P2RX5: variants seen among roughly 807,000 people sequenced by gnomAD.
P2RX5 encodes the protein purinergic receptor P2X 5.
P2RX5 carries 46 observed loss-of-function variants against 54.1 expected under a neutral mutation model. The ratio of observed to expected loss-of-function variants is 0.85; its 90% CI spans 0.67 to 1.09. The LOEUF (loss-of-function observed/expected upper bound fraction) is 1.09. Ranked by LOEUF, P2RX5 falls within the 50% of genes least tolerant of loss-of-function variation. P2RX5 has a pLI of 0.00. For missense variants in P2RX5, 566 were observed against 549.8 expected, an observed-to-expected ratio of 1.03 and a Z score of -0.29; for synonymous variants, 226 against 226.4, an observed-to-expected ratio of 1.00 and a Z score of 0.02.
At chr17:3,723,163 G>GT in the P2RX5 span, 4 of 709,578 alleles carry the variant, frequency 5.6e-6, no homozygotes, top group South Asian at 6.3e-5. Flanking sequence ...CAGAGGGTTG[G>GT]TTTTTTGCAC....
At chr17:3,695,147 T>C (rs1198904431) in intron 1 of P2RX5, among the ~76,000 whole-genome samples, 1 of 152,164 alleles carries the variant, frequency 6.6e-6, no homozygotes, top group Admixed American at 6.5e-5. Context: ...CCAGCGCTGC[T>C]TCTCCCCTCC....
intron 9 of P2RX5, chr17:3,682,505 T>G: frequency 5.1e-6 from 1 of 197,168 alleles, no homozygotes; most frequent in South Asian, 8.6e-5. Context: ...ATCTGGGAAA[T>G]GCCGCAGGGC....
Position 3,681,978 on chromosome 17 carries a change from C to T in P2RX5, c.982G>A (p.Gly328Ser), listed in dbSNP as rs1413955773. The change falls in exon 10 of 12, where the codon GGT (glycine) becomes AGT (serine). Residue 328 changes from glycine to serine, a missense_variant and splice_region_variant. Transcript: ENST00000225328. ...IRFDVMVNGK[G>S]AFFCDLVLIY... ...AGTACCAGGTCGCAGAAGAAAGCACCCTGCAAAACAGGGGTTCCTGATTCA... is the reference window on the plus strand; with the variant it reads ...AGTACCAGGTCGCAGAAGAAAGCACTCTGCAAAACAGGGGTTCCTGATTCA... 1.9e-6 allele frequency: 3 copies of T among 1,608,920 alleles called. No individual in the cohort carries two copies. Among genetic ancestry groups the T allele is most frequent in the East Asian group, 2.2e-5 (1 of 44,866 alleles).
chr17:3,708,218 G>A, the P2RX5 span, among the ~76,000 whole-genome samples: 1 of 152,034 alleles, frequency 6.6e-6, no homozygotes, highest in Non-Finnish European at 1.5e-5. Context: ...CAATGATGAC[G>A]GCTGCTTCCT....
the P2RX5 span, chr17:3,716,779 TTCAGGAAGACGACA>T: frequency 1.2e-6 from 2 of 1,600,498 alleles, no homozygotes; most frequent in Admixed American, 1.7e-5. Flanking sequence ...CTTCTCATCT[TTCAGGAAGACGACA>T]GTGATCTAGA....
Position 3,688,171 on chromosome 17 carries a change from T to C in P2RX5, c.888-66A>G. On this transcript the variant is annotated intron_variant, in intron 8 of 11. Transcript: ENST00000225328. ...GCCTTCCCTCTTTAGGCAGCACTGA[T>C]GTGGCTGCTCTGGGGACTTAGAAGG... 4.7e-6 allele frequency: 4 copies of C among 858,374 alleles called. No homozygotes were observed. The South Asian group carries it at 5.7e-5, about 12-fold the overall frequency. 53.2% of individuals were successfully genotyped at this position (858,374 alleles called of 1,614,324 possible).
chr17:3,691,857 G>A (rs750714340), intron 1 of P2RX5, 63 bp from the exon 2 acceptor site: 1 of 1,565,868 alleles, frequency 6.4e-7, no homozygotes, highest in South Asian at 1.1e-5. Flanking sequence ...AGCTTCCCCA[G>A]GCCTTGGGGT....
the P2RX5 span, among the ~76,000 whole-genome samples, chr17:3,715,776 C>G: frequency 6.6e-6 from 1 of 152,012 alleles, no homozygotes; most frequent in Non-Finnish European, 1.5e-5. Flanking sequence ...ATGGGAGGAT[C>G]ACCTGAGCCT....
At chr17:3,697,156 C>T (rs1411715169), upstream of P2RX5, among the ~76,000 whole-genome samples, 5 of 17,532 alleles carry the variant, frequency 2.9e-4, no homozygotes, top group African/African-American at 1.8e-3. Context: ...GGGGGGCAGA[C>T]GGGGTGGGGG....
the P2RX5 span, chr17:3,723,286 ACCTC>A: frequency 7.5e-6 from 12 of 1,600,970 alleles, no homozygotes; most frequent in Non-Finnish European, 9.4e-6. Flanking sequence ...AGTCTCAAAC[ACCTC>A]CTCAGAGTGA....
At chr17:3,710,693 CG>C in the P2RX5 span, among the ~76,000 whole-genome samples, 1 of 151,866 alleles carries the variant, frequency 6.6e-6, no homozygotes, top group Non-Finnish European at 1.5e-5. Flanking sequence ...TTTGGGAAGC[CG>C]AGGTGAGCGG....
chr17:3,691,107 G>C, intron 2 of P2RX5, 80 bp from the exon 3 acceptor site: 2 of 1,073,264 alleles, frequency 1.9e-6, no homozygotes, highest in Non-Finnish European at 2.8e-6. Context: ...ACCTGAAAGA[G>C]GGCGGTCCCT....
intron 11 of P2RX5, among the ~76,000 whole-genome samples, 168 bp downstream of exon 11, chr17:3,679,422 C>T (rs1043000459): frequency 6.6e-6 from 1 of 152,202 alleles, no homozygotes; most frequent in African/African-American, 2.4e-5. Context: ...GGGTAAAGCA[C>T]CAGCCCCTTC....
chr17:3,689,838 A>ACACGCACACACGCGTGCACG (rs1188996803), intron 6 of P2RX5, among the ~76,000 whole-genome samples: 61 of 152,276 alleles, frequency 4.0e-4, no homozygotes, highest in African/African-American at 1.4e-3. Context: ...CATCACACAC[A>ACACGCACACACGCGTGCACG]CACGCACACA....
the P2RX5 span, among the ~76,000 whole-genome samples, chr17:3,704,889 CCAGCTACTCGGGAGGCT>C: frequency 6.6e-6 from 1 of 152,138 alleles, no homozygotes; most frequent in Non-Finnish European, 1.5e-5. Flanking sequence ...GCCTGGAATC[CCAGCTACTCGGGAGGCT>C]GAGGCAGGAG....
the P2RX5 span, among the ~76,000 whole-genome samples, chr17:3,713,529 T>C: frequency 6.6e-6 from 1 of 152,256 alleles, no homozygotes; most frequent in African/African-American, 2.4e-5. Context: ...GGCAGGTGGA[T>C]CACCTGAAGT....
intron 5 of P2RX5, 125 bp downstream of exon 5, chr17:3,690,302 G>A (rs576949949): frequency 2.9e-5 from 33 of 1,121,178 alleles, no homozygotes; most frequent in South Asian, 1.4e-4. Flanking sequence ...GTCGGGCCTC[G>A]CTGGGACAGC....
chr17:3,701,746 G>GTTTTTTTTTTTTTTTGT, the P2RX5 span, among the ~76,000 whole-genome samples: 1 of 106,420 alleles, frequency 9.4e-6, no homozygotes, highest in Non-Finnish European at 1.8e-5. Context: ...CATTTTCTCT[G>GTTTTTTTTTTTTTTTGT]TTTTTTTTTT....
the P2RX5 span, among the ~76,000 whole-genome samples, chr17:3,709,000 G>C: frequency 6.6e-6 from 1 of 152,062 alleles, no homozygotes; most frequent in Admixed American, 6.6e-5. Context: ...CACCCAGGCT[G>C]TAGTGCAATG....
Sources: gnomAD v4.1 joint callset for allele counts (sites outside exome capture counted in the v4.1 genomes callset) on GRCh38, gnomAD v4.1.1 for gene constraint, MANE v1.5 for transcripts, NCBI Gene and HGNC (gene_info 2026-07-23, HGNC 2026-07-21) for gene names.